The following SMG9 variants were observed in gnomAD, a reference collection of about 807,000 sequenced individuals.
The protein encoded by SMG9 is SMG9 nonsense mediated mRNA decay factor.
SMG9 carries 55 observed loss-of-function variants against 64.0 expected under a neutral mutation model. The observed-to-expected ratio is 0.86, with a 90% confidence interval of 0.69 to 1.08. The LOEUF is 1.08. SMG9 is among the 50% of genes least tolerant of loss of function. The pLI, the probability that SMG9 is intolerant of heterozygous loss-of-function variation, is 0.00. For synonymous variants in SMG9, 244 were observed against 254.8 expected (o/e 0.96, Z 0.41); for missense variants, 554 against 681.3 (o/e 0.81, Z 2.08).
At chr19:43,743,667 G>A (rs1968909348) in intron 6 of SMG9, among the ~76,000 whole-genome samples, 1 of 152,166 alleles carries the variant, frequency 6.6e-6, no homozygotes, top group Non-Finnish European at 1.5e-5. Flanking sequence ...GTGGTGGCAT[G>A]CCCCTGTAGT....
chr19:43,731,279 AAGG>A lies in SMG9; in HGVS notation c.*314_*316del, dbSNP rs1342805506. The A allele has an allele frequency of 1.8e-6, 2 of 1,141,896 alleles. No individual in the cohort carries two copies. Among genetic ancestry groups the A allele is most frequent in the Admixed American group, 9.2e-5 (2 of 21,788 alleles). 70.7% of individuals were successfully genotyped at this position (1,141,896 alleles called of 1,614,324 possible). ...GGGCCTGTTGCTCCTGTCCCTGAAA[AAGG>A]AGGTCAAGATGGAGCCCGGGCTTCC... On this transcript the variant is annotated 3_prime_UTR_variant, in exon 14 of 14. Transcript: ENST00000270066.
At chr19:43,741,560 C>A (rs1208628920) in intron 6 of SMG9, among the ~76,000 whole-genome samples, 13 of 152,266 alleles carry the variant, frequency 8.5e-5, no homozygotes, top group Non-Finnish European at 1.3e-4. Flanking sequence ...TGGTGAGGAC[C>A]GTACGGTGGA....
chr19:43,744,977 C>T (rs1294162595), intron 5 of SMG9, 93 bp from the exon 6 acceptor site: 3 of 837,324 alleles, frequency 3.6e-6, no homozygotes, highest in Non-Finnish European at 5.8e-6. Context: ...GGCTCCCCCA[C>T]CTGCCTTATC....
chr19:43,741,436 C>T (rs1269564334), intron 6 of SMG9, among the ~76,000 whole-genome samples: 1 of 152,066 alleles, frequency 6.6e-6, no homozygotes, highest in Non-Finnish European at 1.5e-5. Context: ...ATACACAGAC[C>T]CTTGTGGAGC....
At chr19:43,739,795 T>G (rs1968788379) in intron 7 of SMG9, 2 of 351,050 alleles carry the variant, frequency 5.7e-6, no homozygotes, top group African/African-American at 2.1e-5. Flanking sequence ...TTAAGGGAGT[T>G]TAAAACTGAA....
intron 2 of SMG9, 125 bp downstream of exon 2, chr19:43,750,467 T>C: frequency 4.5e-6 from 5 of 1,105,698 alleles, no homozygotes; most frequent in Non-Finnish European, 6.4e-6. Context: ...CCACCTTCTT[T>C]ATCCATGAGG....
intron 1 of SMG9, among the ~76,000 whole-genome samples, chr19:43,753,845 G>A (rs1466431458): frequency 6.6e-6 from 1 of 151,568 alleles, no homozygotes; most frequent in Non-Finnish European, 1.5e-5. Context: ...TAAACCAGGT[G>A]TGGAGGATAC....
intron 6 of SMG9, among the ~76,000 whole-genome samples, chr19:43,743,082 A>AAG (rs942885794): frequency 3.9e-5 from 6 of 152,046 alleles, no homozygotes; most frequent in African/African-American, 1.4e-4. Context: ...CAAAAAAAAA[A>AAG]AGAGAGAGAG....
intron 5 of SMG9, among the ~76,000 whole-genome samples, 161 bp downstream of exon 5, chr19:43,747,281 T>C (rs1293060451): frequency 2.0e-5 from 3 of 152,156 alleles, no homozygotes; most frequent in South Asian, 2.1e-4. Flanking sequence ...GCCGAGCTAG[T>C]TGAAATTCCG....
At chr19:43,735,216 G>A (rs1163202026) in intron 9 of SMG9, among the ~76,000 whole-genome samples, 1 of 152,168 alleles carries the variant, frequency 6.6e-6, no homozygotes, top group Admixed American at 6.5e-5. Context: ...TTTCAGTGCT[G>A]AATAATATTC....
chr19:43,749,014 T>C (rs1969112854), intron 2 of SMG9, among the ~76,000 whole-genome samples: 1 of 152,202 alleles, frequency 6.6e-6, no homozygotes, highest in Admixed American at 6.5e-5. Context: ...TGGGATTTTT[T>C]TGAACTTTGG....
rs1903517242 is a variant in SMG9, at chr19:43,728,192, G to A, written c.*3404C>T. 2 of 152,254 alleles carry A rather than the reference G, an allele frequency of 1.3e-5. No individual in the cohort carries two copies. The highest frequency in any genetic ancestry group is 4.8e-5 in the African/African-American group (2 of 41,436). The allele number at this position is 152,254 out of a possible 1,614,324, so 9.4% of individuals were successfully genotyped here. On this transcript the variant is annotated 3_prime_UTR_variant, in exon 14 of 14. Coordinates refer to ENST00000270066, the MANE Select transcript of SMG9 (RefSeq NM_019108.4). ...GTAGTTTGTAGTCACCACTGTTGGAGGTGGGGCCTGGCGGGAGGGACGGCA... is the reference window on the plus strand; with the variant it reads ...GTAGTTTGTAGTCACCACTGTTGGAAGTGGGGCCTGGCGGGAGGGACGGCA...
chr19:43,739,921 A>C, intron 7 of SMG9, 186 bp downstream of exon 7: 1 of 602,792 alleles, frequency 1.7e-6, no homozygotes, highest in Non-Finnish European at 3.0e-6. Context: ...GGCGAATGAG[A>C]TGGGGGCAAA....
At chr19:43,739,764 T>A (rs1410216243) in intron 7 of SMG9, 7 of 291,106 alleles carry the variant, frequency 2.4e-5, no homozygotes, top group Non-Finnish European at 3.3e-5. Flanking sequence ...CCATCCCTAT[T>A]TACAGATAAA....
rs574384507 is a variant in SMG9 at position 43,730,564 on chromosome 19, CTTTTTTT to C, written c.*1025_*1031del. On this transcript the variant is annotated 3_prime_UTR_variant, in exon 14 of 14. Transcript: ENST00000270066. ...TTCTGTTTCTTAAGTCAAAAGTAGG[CTTTTTTT>C]TTTTTTTTGAGACGGAGTCTCGCTC... 7.2e-6 allele frequency: 1 copy of C among 139,770 alleles called. No homozygotes were observed. The highest frequency in any genetic ancestry group is 1.6e-5 in the Non-Finnish European group (1 of 63,702). The allele number at this position is 139,770 out of a possible 1,614,324, so 8.7% of individuals were successfully genotyped here. A position where few individuals can be genotyped will look rare whatever the true frequency, so the allele number is the denominator to read the frequency against.
chr19:43,747,905 G>A lies in SMG9; in HGVS notation c.226-8C>T. The A allele has an allele frequency of 6.2e-7, 1 of 1,613,532 alleles. No individual in the cohort carries two copies. Among genetic ancestry groups the A allele is most frequent in the Non-Finnish European group, 8.5e-7 (1 of 1,179,756 alleles). ...AGGTGGTGGCTGTTTTGACTACGGA[G>A]GTAAAAAAAATCCCATCAATGGGGG... is the stretch of plus-strand genomic sequence containing the variant. On this transcript the variant is annotated splice_polypyrimidine_tract_variant and splice_region_variant and intron_variant, in intron 3 of 13. Transcript: ENST00000270066.
intron 2 of SMG9, among the ~76,000 whole-genome samples, chr19:43,748,327 G>A (rs1320954657): frequency 6.6e-6 from 1 of 152,232 alleles, no homozygotes; most frequent in African/African-American, 2.4e-5. Flanking sequence ...GAGGCAACAA[G>A]CCCAGGAGGA....
intron 7 of SMG9, among the ~76,000 whole-genome samples, chr19:43,739,111 A>G (rs1488825381): frequency 1.3e-5 from 2 of 152,220 alleles, no homozygotes; most frequent in African/African-American, 4.8e-5. Flanking sequence ...GGCAAATCAC[A>G]TGCTATGGTG....
intron 5 of SMG9, 77 bp from the exon 6 acceptor site, chr19:43,744,961 C>A (rs766110551): frequency 3.8e-6 from 4 of 1,054,860 alleles, no homozygotes; most frequent in Non-Finnish European, 5.7e-6. Context: ...CTCCAGAGAC[C>A]CTTGTGGCTC....
Sources: gnomAD v4.1 joint callset for allele counts (sites outside exome capture counted in the v4.1 genomes callset) on GRCh38, gnomAD v4.1.1 for gene constraint, MANE v1.5 for transcripts, NCBI Gene and HGNC (gene_info 2026-07-23, HGNC 2026-07-21) for gene names.